The following TAB2 variants were observed in gnomAD, a reference collection of about 807,000 sequenced individuals.
TAB2 encodes TGF-beta-activated kinase 1 and MAP3K7-binding protein 2.
A neutral mutation model predicts 65.0 loss-of-function variants in TAB2; 3 were observed. The observed-to-expected ratio is 0.05, with a 90% CI of 0.02 to 0.12. The LOEUF is 0.12. Among genes scored for constraint, TAB2 ranks in the 10% least tolerant of loss-of-function variants. The pLI is 1.00. For synonymous variants in TAB2, 298 were observed against 285.1 expected (o/e 1.05, Z -0.46); for missense variants, 623 against 840.3 (o/e 0.74, Z 3.20).
chr6:149,339,007 G>A (rs1780018228), intron 1 of TAB2, among the ~76,000 whole-genome samples: 1 of 152,218 alleles, frequency 6.6e-6, no homozygotes, highest in South Asian at 2.1e-4. Flanking sequence ...TGCTGTTTCT[G>A]TCTTTTGGAC....
intron 1 of TAB2, among the ~76,000 whole-genome samples, chr6:149,340,123 T>A (rs900301981): frequency 2.0e-5 from 3 of 152,218 alleles, no homozygotes; most frequent in African/African-American, 7.2e-5. Flanking sequence ...CGGAATCTTT[T>A]AAGTTTCATC....
chr6:149,235,201 C>T (rs1220193824), intron 1 of TAB2, among the ~76,000 whole-genome samples: 1 of 152,224 alleles, frequency 6.6e-6, no homozygotes, highest in Non-Finnish European at 1.5e-5. Context: ...TGACCATAAT[C>T]TGAACTGGCT....
intron 1 of TAB2, among the ~76,000 whole-genome samples, chr6:149,285,172 T>C (rs1244758837): frequency 6.6e-6 from 1 of 152,234 alleles, no homozygotes. Flanking sequence ...CCTGGTTTGT[T>C]GGAGGATTAA....
chr6:149,350,754 A>G (rs1214623333), intron 1 of TAB2, among the ~76,000 whole-genome samples: 1 of 151,718 alleles, frequency 6.6e-6, no homozygotes. Context: ...AGCTGGGACT[A>G]CAGGCATGTG....
intron 1 of TAB2, among the ~76,000 whole-genome samples, chr6:149,329,748 A>G (rs1013540386): frequency 1.3e-5 from 2 of 152,042 alleles, no homozygotes; most frequent in African/African-American, 2.4e-5. Context: ...TTAGACTGTG[A>G]TAAGGACTTT....
chr6:149,225,192 G>A (rs982160797), intron 1 of TAB2, among the ~76,000 whole-genome samples: 13 of 152,140 alleles, frequency 8.5e-5, no homozygotes, highest in Non-Finnish European at 1.5e-4. Flanking sequence ...GTAATTATTC[G>A]AAAAGCAGGC....
At chr6:149,264,416 A>G (rs765276672) in intron 1 of TAB2, among the ~76,000 whole-genome samples, 21 of 151,994 alleles carry the variant, frequency 1.4e-4, no homozygotes, top group Admixed American at 1.3e-4. Context: ...CTAATAAAGA[A>G]CTGTATCACT....
chr6:149,319,159 G>C (rs1261502026), intron 1 of TAB2, among the ~76,000 whole-genome samples: 1 of 152,188 alleles, frequency 6.6e-6, no homozygotes, highest in African/African-American at 2.4e-5. Flanking sequence ...TTTCGTTTCC[G>C]CTTTAGCATA....
At chr6:149,288,177 C>A (rs115037970) in intron 1 of TAB2, among the ~76,000 whole-genome samples, 1 of 152,162 alleles carries the variant, frequency 6.6e-6, no homozygotes, top group Non-Finnish European at 1.5e-5. Context: ...CTCCAGATGA[C>A]GAACCTGAGG....
At chr6:149,357,682 A>G (rs1270514612) in intron 1 of TAB2, among the ~76,000 whole-genome samples, 1 of 151,862 alleles carries the variant, frequency 6.6e-6, no homozygotes. Flanking sequence ...TGTAATAAAC[A>G]TCTTTTCTTA....
intron 1 of TAB2, among the ~76,000 whole-genome samples, chr6:149,360,249 AG>A (rs1347365343): frequency 6.6e-6 from 1 of 152,184 alleles, no homozygotes; most frequent in Admixed American, 6.5e-5. Flanking sequence ...GCTATAAAGA[AG>A]TACCCAAGAC....
At chr6:149,307,005 T>G (rs2114708386) in intron 1 of TAB2, among the ~76,000 whole-genome samples, 1 of 152,338 alleles carries the variant, frequency 6.6e-6, no homozygotes, top group African/African-American at 2.4e-5. Flanking sequence ...TTTCTAAACT[T>G]GGGACCTATA....
chr6:149,399,075 T>G, intron 5 of TAB2, 29 bp from the exon 6 acceptor site: 5 of 1,557,098 alleles, frequency 3.2e-6, no homozygotes, highest in Non-Finnish European at 4.4e-6. Flanking sequence ...GCTATAAGCA[T>G]TGATATATTT....
chr6:149,308,423 A>G (rs1779106695), intron 1 of TAB2, among the ~76,000 whole-genome samples: 1 of 152,172 alleles, frequency 6.6e-6, no homozygotes, highest in African/African-American at 2.4e-5. Context: ...AATGTATCTT[A>G]TTAGTTTTGT....
intron 6 of TAB2, among the ~76,000 whole-genome samples, chr6:149,407,917 A>G (rs1278498582): frequency 6.6e-6 from 1 of 152,134 alleles, no homozygotes; most frequent in Non-Finnish European, 1.5e-5. Context: ...ATTTGCTGGC[A>G]TTTAATAATA....
intron 2 of TAB2, among the ~76,000 whole-genome samples, chr6:149,377,579 A>G (rs1204879599): frequency 2.0e-5 from 3 of 152,258 alleles, no homozygotes; most frequent in Non-Finnish European, 2.9e-5. Flanking sequence ...AAATGTGTAT[A>G]GCACTTGATA....
At chr6:149,255,029 A>T (rs1384585705) in intron 1 of TAB2, among the ~76,000 whole-genome samples, 1 of 152,224 alleles carries the variant, frequency 6.6e-6, no homozygotes, top group Non-Finnish European at 1.5e-5. Flanking sequence ...TGGAAGAAGG[A>T]CATGAATTTT....
chr6:149,258,157 C>A (rs1778078566), intron 1 of TAB2, among the ~76,000 whole-genome samples: 1 of 152,110 alleles, frequency 6.6e-6, no homozygotes, highest in Non-Finnish European at 1.5e-5. Flanking sequence ...AGCAGTAAGG[C>A]CACACAGCGG....
chr6:149,331,973 A>G (rs1319749981), intron 1 of TAB2, among the ~76,000 whole-genome samples: 1 of 152,162 alleles, frequency 6.6e-6, no homozygotes, highest in Non-Finnish European at 1.5e-5. Flanking sequence ...AAGGGTGAGA[A>G]CAGATCAGAT....
Sources: gnomAD v4.1 joint callset for allele counts (sites outside exome capture counted in the v4.1 genomes callset) on GRCh38, gnomAD v4.1.1 for gene constraint, MANE v1.5 for transcripts, NCBI Gene and HGNC (gene_info 2026-07-23, HGNC 2026-07-21) for gene names.